PTPRD: variants seen among roughly 807,000 people sequenced by gnomAD.
PTPRD encodes protein tyrosine phosphatase receptor type D, also known as receptor-type tyrosine-protein phosphatase delta.
In PTPRD, 34 loss-of-function variants were observed where a neutral mutation model predicts 214.5. The observed-to-expected ratio is 0.16, with a 90% CI of 0.12 to 0.21. PTPRD has a LOEUF of 0.21. Ranked by LOEUF, PTPRD falls within the 10% of genes least tolerant of loss-of-function variation. The pLI, the probability that PTPRD is intolerant of heterozygous loss-of-function variation, is 1.00. For synonymous variants in PTPRD, 1,128 were observed against 845.7 expected, an observed-to-expected ratio of 1.33 and a Z score of -5.79; for missense variants, 2,545 against 2,398.7, an observed-to-expected ratio of 1.06 and a Z score of -1.27.
chr9:10,503,609 G>C (rs960273490), intron 2 of PTPRD, among the ~76,000 whole-genome samples: 4 of 152,088 alleles, frequency 2.6e-5, no homozygotes, highest in Non-Finnish European at 5.9e-5. Flanking sequence ...ACTTTGGCAG[G>C]TACTATTGGA....
intron 42 of PTPRD, among the ~76,000 whole-genome samples, chr9:8,339,649 G>C (rs1850531397): frequency 6.6e-6 from 1 of 151,924 alleles, no homozygotes. Flanking sequence ...CTACAAGTTG[G>C]GCTTTAGCTG....
At chr9:8,747,774 A>G (rs2092997480) in intron 11 of PTPRD, among the ~76,000 whole-genome samples, 2 of 152,168 alleles carry the variant, frequency 1.3e-5, no homozygotes, top group Admixed American at 1.3e-4. Context: ...TCACTTAGGC[A>G]TTGATAGCAC....
chr9:9,098,190 T>C (rs2099786398), intron 10 of PTPRD, among the ~76,000 whole-genome samples: 1 of 152,154 alleles, frequency 6.6e-6, no homozygotes, highest in African/African-American at 2.4e-5. Context: ...CCTTTCTTTC[T>C]TTTTCCCCAA....
chr9:10,301,530 T>G (rs2095862040), intron 3 of PTPRD, among the ~76,000 whole-genome samples: 1 of 152,160 alleles, frequency 6.6e-6, no homozygotes, highest in Admixed American at 6.5e-5. Context: ...GACAAAAGGT[T>G]AGACAAATTG....
chr9:8,498,854 G>C (rs571083122), intron 25 of PTPRD, among the ~76,000 whole-genome samples: 1 of 151,940 alleles, frequency 6.6e-6, no homozygotes, highest in Admixed American at 6.5e-5. Context: ...AAACTCAAGC[G>C]AATTTATTAT....
intron 35 of PTPRD, among the ~76,000 whole-genome samples, chr9:8,410,884 C>T (rs2093457957): frequency 6.6e-6 from 1 of 151,984 alleles, no homozygotes; most frequent in South Asian, 2.1e-4. Context: ...ATAAACTATG[C>T]TCATAGTAAA....
At chr9:10,188,376 T>A (rs1166402055) in intron 3 of PTPRD, among the ~76,000 whole-genome samples, 1 of 152,150 alleles carries the variant, frequency 6.6e-6, no homozygotes. Context: ...TGTAAAGTAA[T>A]CTGAATGAAA....
At chr9:9,290,596 C>T (rs972795451) in intron 9 of PTPRD, among the ~76,000 whole-genome samples, 3 of 151,338 alleles carry the variant, frequency 2.0e-5, no homozygotes, top group Non-Finnish European at 3.0e-5. Flanking sequence ...TTATTAATAA[C>T]ATATTTATGT....
chr9:9,852,910 C>T (rs1039872318), intron 5 of PTPRD, among the ~76,000 whole-genome samples: 3 of 152,106 alleles, frequency 2.0e-5, no homozygotes, highest in Non-Finnish European at 4.4e-5. Flanking sequence ...TTGATCTGTG[C>T]ACTATACCTG....
chr9:9,360,768 AGTTTTTAATAATAGATACAT>A (rs2055803662), intron 9 of PTPRD, among the ~76,000 whole-genome samples: 1 of 151,120 alleles, frequency 6.6e-6, no homozygotes, highest in Admixed American at 6.6e-5. Flanking sequence ...ATAGCTTTAC[AGTTTTTAATAATAGATACAT>A]TCATTGAAAA....
At chr9:8,784,714 C>T (rs2095867242) in intron 11 of PTPRD, among the ~76,000 whole-genome samples, 1 of 152,038 alleles carries the variant, frequency 6.6e-6, no homozygotes, top group African/African-American at 2.4e-5. Context: ...AAAGATATGC[C>T]AGGACAAATT....
At chr9:9,534,060 C>T (rs1396883297) in intron 8 of PTPRD, among the ~76,000 whole-genome samples, 1 of 151,906 alleles carries the variant, frequency 6.6e-6, no homozygotes, top group Non-Finnish European at 1.5e-5. Context: ...AGCAATAAAA[C>T]CATAGCTTAA....
At chr9:10,138,969 C>T (rs989304184) in intron 3 of PTPRD, among the ~76,000 whole-genome samples, 1 of 151,806 alleles carries the variant, frequency 6.6e-6, no homozygotes, top group Non-Finnish European at 1.5e-5. Flanking sequence ...TGCAACCACC[C>T]CCCTTGAGAA....
chr9:9,052,438 T>C (rs1055620189), intron 10 of PTPRD, among the ~76,000 whole-genome samples: 4 of 152,204 alleles, frequency 2.6e-5, no homozygotes, highest in Admixed American at 1.3e-4. Context: ...ACCCATTCCT[T>C]TGTGTCCCAT....
chr9:10,284,920 A>G (rs1168206001), intron 3 of PTPRD, among the ~76,000 whole-genome samples: 1 of 152,218 alleles, frequency 6.6e-6, no homozygotes, highest in Non-Finnish European at 1.5e-5. Context: ...TAGCACATTC[A>G]CACATAGTCT....
intron 10 of PTPRD, among the ~76,000 whole-genome samples, chr9:9,151,656 T>C (rs1335552909): frequency 1.3e-5 from 2 of 152,230 alleles, no homozygotes; most frequent in East Asian, 1.9e-4. Context: ...TTAGAGGCTA[T>C]TGTAGACTAC....
chr9:9,371,145 A>T (rs1310350623), intron 9 of PTPRD, among the ~76,000 whole-genome samples: 1 of 151,968 alleles, frequency 6.6e-6, no homozygotes, highest in Non-Finnish European at 1.5e-5. Flanking sequence ...GTTAGGGAGG[A>T]TTCCCTCTTT....
At chr9:10,314,718 AG>A (rs1396510169) in intron 3 of PTPRD, among the ~76,000 whole-genome samples, 1 of 151,958 alleles carries the variant, frequency 6.6e-6, no homozygotes, top group Non-Finnish European at 1.5e-5. Context: ...ACACAAGCCA[AG>A]GGGGGAAACT....
chr9:10,300,532 C>T (rs1350123471), intron 3 of PTPRD, among the ~76,000 whole-genome samples: 2 of 152,200 alleles, frequency 1.3e-5, no homozygotes, highest in Non-Finnish European at 1.5e-5. Flanking sequence ...TTCTCACTGC[C>T]AGCACAGAAG....
Sources: allele counts gnomAD v4.1 joint callset (sites outside exome capture counted in the v4.1 genomes callset), GRCh38; gene constraint gnomAD v4.1.1; transcripts MANE v1.5; gene names NCBI Gene and HGNC (gene_info 2026-07-23, HGNC 2026-07-21).